Variants in FIGNL2 observed in about 807,000 individuals in gnomAD.
FIGNL2 encodes the protein fidgetin-like protein 2.
For synonymous variants in FIGNL2, 565 were observed against 484.0 expected, an observed-to-expected ratio of 1.17 and a Z score of -2.20; for missense variants, 1,060 against 950.2, an observed-to-expected ratio of 1.12 and a Z score of -1.52.
Position 51,821,754 on chromosome 12 carries a change from C to T in FIGNL2, c.660G>A (p.Pro220=), listed in dbSNP as rs1457699202. The T allele has an allele frequency of 7.8e-7, 1 of 1,278,818 alleles. No homozygotes were observed. Among genetic ancestry groups the T allele is most frequent in the Non-Finnish European group, 9.8e-7 (1 of 1,019,040 alleles). 79.2% of individuals were successfully genotyped at this position (1,278,818 alleles called of 1,614,324 possible). ...GGGCCGGGGGTGGGCCTGGGGGCGG[C>T]GGGAGCGCGCCATAGCCGGGCTGCG... ...YAAQPGYGAL[P]PPPGPPPAPY... Residue 220 remains proline (P), a synonymous_variant, in exon 2 of 2, where the codon CCG becomes CCA. Coordinates refer to ENST00000618634, the MANE Select transcript of FIGNL2 (RefSeq NM_001384995.1).
intron 1 of FIGNL2, among the ~76,000 whole-genome samples, chr12:51,836,550 T>A (rs1200727577): frequency 2.6e-5 from 4 of 152,142 alleles, no homozygotes; most frequent in Non-Finnish European, 5.9e-5. Context: ...AAAGTGAGTC[T>A]CTGTTGGTGG....
chr12:51,822,570 GCCCT>G, intron 1 of FIGNL2, 146 bp from the exon 2 acceptor site: 1 of 844,166 alleles, frequency 1.2e-6, no homozygotes, highest in Non-Finnish European at 1.9e-6. Flanking sequence ...CTCTCTTGGG[GCCCT>G]CCCTCCAGGC....
rs761790923 is a variant in FIGNL2 at position 51,822,221 on chromosome 12, C to T, written c.193G>A (p.Glu65Lys). ...TASNLLKRYA[E>K]KYSGVLDSPY... The stretch of plus-strand genomic sequence containing the variant: ...GAATCCAAGACCCCAGAGTACTTCT[C>T]TGCATAGCGCTTTAGGAGGTTGGAG... The change falls in exon 2 of 2, where the codon GAG (glutamate) becomes AAG (lysine). Residue 65 changes from glutamate (E) to lysine (K), a missense_variant. Physicochemically the swap from Glu to Lys is moderately conservative, Grantham distance 56 (BLOSUM62 1). Transcript: ENST00000618634. The T allele has an allele frequency of 4.0e-5, 64 of 1,611,470 alleles. No individual in the cohort carries two copies. The highest frequency in any genetic ancestry group is 1.7e-4 in the Admixed American group (10 of 59,604).
At position 51,822,235 on chromosome 12, in the gene FIGNL2, AGGAGGTT is replaced by A; in HGVS notation, c.172_178del (p.Asn58Ter). ...AGAGTACTTCTCTGCATAGCGCTTT[AGGAGGTT>A]GGAGGCAGTGAGGGCTGAGATGTCG... On this transcript the variant is annotated frameshift_variant, in exon 2 of 2. Transcript: ENST00000618634. LOFTEE classifies it low-confidence loss of function (END_TRUNC). 6.2e-7 allele frequency: 1 copy of A among 1,611,314 alleles called. No individual in the cohort carries two copies. The highest frequency in any genetic ancestry group is 8.5e-7 in the Non-Finnish European group (1 of 1,178,816).
chr12:51,835,567 A>T (rs1283963412), intron 1 of FIGNL2: 1 of 152,190 alleles, frequency 6.6e-6, no homozygotes, highest in East Asian at 1.9e-4. Context: ...CCATGTAACT[A>T]TTTAAATTTG....
rs1446613344 is a variant in FIGNL2, at chr12:51,821,321, C to A, written c.1093G>T (p.Glu365Ter). 2.0e-6 allele frequency: 3 copies of A among 1,507,484 alleles called. No homozygotes were observed. Among genetic ancestry groups the A allele is most frequent in the Non-Finnish European group, 1.8e-6 (2 of 1,133,436 alleles). 93.4% of individuals were successfully genotyped at this position (1,507,484 alleles called of 1,614,324 possible). A position where few individuals can be genotyped will look rare whatever the true frequency, so the allele number is the denominator to read the frequency against. ...CCAGGGTCCACGCCTTTGGGAGTCT[C>A]CCCCGACGGCACGGCGAACCCCCCA... is the stretch of plus-strand genomic sequence containing the variant. ...PRGGFAVPSG[E>*]TPKGVDPGAL... The change falls in exon 2 of 2, where the codon GAG (glutamate) becomes TAG (stop). Residue 365 changes from glutamate (E) to a stop codon, truncating the protein, a stop_gained. Coordinates refer to ENST00000618634, the MANE Select transcript of FIGNL2 (RefSeq NM_001384995.1). LOFTEE classifies it low-confidence loss of function (END_TRUNC).
intron 1 of FIGNL2, among the ~76,000 whole-genome samples, chr12:51,846,779 C>T (rs1939759963): frequency 1.3e-5 from 2 of 152,212 alleles, no homozygotes; most frequent in East Asian, 1.9e-4. Flanking sequence ...CTAGGCCTCC[C>T]CAGGAGCAAC....
intron 1 of FIGNL2, among the ~76,000 whole-genome samples, chr12:51,835,772 G>C (rs1011302082): frequency 7.3e-5 from 11 of 150,580 alleles, no homozygotes; most frequent in African/African-American, 2.7e-4. Context: ...GCTTCTTAAG[G>C]TCTTTAGGTA....
intron 1 of FIGNL2, among the ~76,000 whole-genome samples, chr12:51,827,741 C>G (rs768286206): frequency 6.6e-6 from 1 of 152,184 alleles, no homozygotes; most frequent in Non-Finnish European, 1.5e-5. Context: ...AGGTTCCTTC[C>G]AGTTCTAATA....
intron 1 of FIGNL2, among the ~76,000 whole-genome samples, chr12:51,843,269 G>A (rs1939691418): frequency 1.3e-5 from 2 of 152,118 alleles, no homozygotes; most frequent in African/African-American, 2.4e-5. Flanking sequence ...AAGTCTCACG[G>A]CTCACGTCTG....
chr12:51,822,336 C>A lies in FIGNL2; in HGVS notation c.78G>T (p.Pro26=). ...EQHLDVSSTT[P]SPAHKLELPP... is the part of the protein sequence containing the mutation. ...GCAACTCCAACTTGTGGGCCGGCGA[C>A]GGGGTGGTGGAGGAGACGTCCAGGT... is the stretch of plus-strand genomic sequence containing the variant. Residue 26 remains proline, a synonymous_variant, in exon 2 of 2, where the codon CCG becomes CCT. Transcript: ENST00000618634. 6.2e-7 allele frequency: 1 copy of A among 1,613,412 alleles called. No individual in the cohort carries two copies. Among genetic ancestry groups the A allele is most frequent in the South Asian group, 1.1e-5 (1 of 90,922 alleles).
In FIGNL2 at chr12:51,821,944, T is replaced by G. The variant is rs1285074917; in HGVS notation, c.470A>C (p.Glu157Ala). Residue 157 changes from glutamate to alanine, a missense_variant, in exon 2 of 2, where the codon GAG becomes GCG. Physicochemically the swap from Glu to Ala is moderately radical, Grantham distance 107. Coordinates refer to ENST00000618634, the MANE Select transcript of FIGNL2 (RefSeq NM_001384995.1). ...NACGGPSAAP[E>A]YAAGYGGGYL... ...CCCCCCGCCGTAGCCGGCCGCGTAC[T>G]CGGGCGCCGCCGATGGGCCCCCGCA... The G allele has an allele frequency of 5.9e-6, 9 of 1,522,524 alleles. No individual in the cohort carries two copies. Among genetic ancestry groups the G allele is most frequent in the Non-Finnish European group, 7.9e-6 (9 of 1,135,236 alleles). 94.3% of individuals were successfully genotyped at this position (1,522,524 alleles called of 1,614,324 possible). A position where few individuals can be genotyped will look rare whatever the true frequency, so the allele number is the denominator to read the frequency against.
chr12:51,832,536 C>T (rs935176125), intron 1 of FIGNL2, among the ~76,000 whole-genome samples: 2 of 152,066 alleles, frequency 1.3e-5, no homozygotes, highest in African/African-American at 4.8e-5. Flanking sequence ...GACCTGCGCT[C>T]TCCTGGCCCC....
intron 1 of FIGNL2, among the ~76,000 whole-genome samples, chr12:51,830,749 C>CCAAA (rs1411327644): frequency 6.6e-6 from 1 of 151,840 alleles, no homozygotes; most frequent in Non-Finnish European, 1.5e-5. Flanking sequence ...CCTTGGCCTC[C>CCAAA]TAAAGTGCTG....
In FIGNL2 at chr12:51,821,010, C is replaced by T; in HGVS notation, c.1404G>A (p.Glu468=). ...GATLAAPGAA[E]GARLLQAAFA... The stretch of plus-strand genomic sequence containing the variant: ...AGGCGGCCTGGAGGAGGCGCGCGCC[C>T]TCGGCGGCGCCGGGCGCAGCCAGGG... The change falls in exon 2 of 2, where the codon GAG becomes GAA. Residue 468 remains glutamate (E), a synonymous_variant. Coordinates refer to ENST00000618634, the MANE Select transcript of FIGNL2 (RefSeq NM_001384995.1). 8.5e-7 allele frequency: 1 copy of T among 1,179,518 alleles called. No individual in the cohort carries two copies. 73.1% of individuals were successfully genotyped at this position (1,179,518 alleles called of 1,614,324 possible).
rs1193824489 is a variant in FIGNL2, at chr12:51,819,780, C to T, written c.*672G>A. The T allele has an allele frequency of 6.6e-6, 1 of 152,662 alleles. No individual in the cohort carries two copies. Among genetic ancestry groups the T allele is most frequent in the Non-Finnish European group, 1.5e-5 (1 of 68,168 alleles). The allele number at this position is 152,662 out of a possible 1,614,324, so 9.5% of individuals were successfully genotyped here. A position where few individuals can be genotyped will look rare whatever the true frequency, so the allele number is the denominator to read the frequency against. On this transcript the variant is annotated 3_prime_UTR_variant, in exon 2 of 2. Coordinates refer to ENST00000618634, the MANE Select transcript of FIGNL2 (RefSeq NM_001384995.1). ...CTTTTTTTCCTTGATCCCCCTAGACCCTAGGTTTCAGATGGGTAGAGGGGT... is the reference window on the plus strand; with the variant it reads ...CTTTTTTTCCTTGATCCCCCTAGACTCTAGGTTTCAGATGGGTAGAGGGGT...
At chr12:51,847,403 G>A in intron 1 of FIGNL2, 3 of 985,480 alleles carry the variant, frequency 3.0e-6, no homozygotes, top group Non-Finnish European at 3.6e-6. Context: ...GCTGCCGGGC[G>A]GAAAGCAGGA....
chr12:51,823,280 C>T (rs555439583), intron 1 of FIGNL2, among the ~76,000 whole-genome samples: 1 of 152,262 alleles, frequency 6.6e-6, no homozygotes, highest in East Asian at 1.9e-4. Context: ...AGTTAATATA[C>T]AACAATGCAC....
At chr12:51,828,140 C>G (rs1164722172) in intron 1 of FIGNL2, 1 of 152,260 alleles carries the variant, frequency 6.6e-6, no homozygotes, top group Non-Finnish European at 1.5e-5. Context: ...GTGTATTTAC[C>G]CTTCAGAGCA....
Sources: gnomAD v4.1 joint callset for allele counts (sites outside exome capture counted in the v4.1 genomes callset) on GRCh38, gnomAD v4.1.1 for gene constraint, MANE v1.5 for transcripts, NCBI Gene and HGNC (gene_info 2026-07-23, HGNC 2026-07-21) for gene names.